GRM7: variants seen among roughly 807,000 people sequenced by gnomAD.
GRM7 encodes glutamate metabotropic receptor 7.
A neutral mutation model predicts 84.5 loss-of-function variants in GRM7; 35 were observed. The ratio of observed to expected loss-of-function variants is 0.41; its 90% CI spans 0.32 to 0.55. GRM7 has a LOEUF of 0.55. Ranked by LOEUF, GRM7 falls within the 20% of genes least tolerant of loss-of-function variation. The pLI is 0.19. For synonymous variants in GRM7, 487 were observed against 455.1 expected, an observed-to-expected ratio of 1.07 and a Z score of -0.89; for missense variants, 1,003 against 1,194.6, an observed-to-expected ratio of 0.84 and a Z score of 2.36.
At chr3:7,402,695 T>C (rs186692082) in intron 4 of GRM7, among the ~76,000 whole-genome samples, 53 of 152,280 alleles carry the variant, frequency 3.5e-4, no homozygotes, top group Admixed American at 6.5e-4. Flanking sequence ...TTTAAGCTTC[T>C]CTAGGTGTCC....
At chr3:7,275,333 T>G (rs1699012903) in intron 2 of GRM7, among the ~76,000 whole-genome samples, 1 of 152,182 alleles carries the variant, frequency 6.6e-6, no homozygotes, top group African/African-American at 2.4e-5. Flanking sequence ...CTTTTCAGTT[T>G]GTCTTATAAT....
At chr3:7,727,248 T>G (rs2106523825) in intron 9 of GRM7, among the ~76,000 whole-genome samples, 1 of 152,308 alleles carries the variant, frequency 6.6e-6, no homozygotes, top group African/African-American at 2.4e-5. Context: ...GCATTTGGGT[T>G]ATTTAAAATT....
rs758637135 is a variant in GRM7, at chr3:7,165,089, C to T, written c.736+18421C>T. Among the ~76,000 whole-genome samples the T allele has an allele frequency of 4.6e-5, 7 of 152,300 alleles. No homozygotes were observed. In the South Asian group the frequency reaches 6.2e-4, roughly 14 times the overall value. ...TCCAGAAAGCCACACGTAACTGATA[C>T]CCATTTTAGACTTTTATTATTCCTC... On this transcript the variant is annotated intron_variant, in intron 2 of 9. Coordinates refer to ENST00000357716, the MANE Select transcript of GRM7 (RefSeq NM_000844.4).
intron 5 of GRM7, among the ~76,000 whole-genome samples, chr3:7,446,133 G>C (rs116336108): frequency 6.6e-6 from 1 of 152,166 alleles, no homozygotes; most frequent in South Asian, 2.1e-4. Context: ...AAATATTTAA[G>C]TTTGAGGCTT....
At chr3:7,584,460 C>A (rs1364352534) in intron 8 of GRM7, among the ~76,000 whole-genome samples, 1 of 152,152 alleles carries the variant, frequency 6.6e-6, no homozygotes, top group Non-Finnish European at 1.5e-5. Flanking sequence ...GGGCTGGACT[C>A]TATAGCAGAG....
chr3:7,240,245 C>G (rs1697507788), intron 2 of GRM7, among the ~76,000 whole-genome samples: 1 of 143,392 alleles, frequency 7.0e-6, no homozygotes, highest in Non-Finnish European at 1.5e-5. Flanking sequence ...GGTGAAGTCT[C>G]TTGAAAAATA....
At chr3:7,272,927 A>G (rs1232609378) in intron 2 of GRM7, among the ~76,000 whole-genome samples, 2 of 151,830 alleles carry the variant, frequency 1.3e-5, no homozygotes, top group Non-Finnish European at 1.5e-5. Context: ...GTTTCCTAGG[A>G]TAAAATTTTA....
At chr3:7,169,498 A>G (rs1354918114) in intron 2 of GRM7, among the ~76,000 whole-genome samples, 1 of 152,208 alleles carries the variant, frequency 6.6e-6, no homozygotes, top group Non-Finnish European at 1.5e-5. Flanking sequence ...GGGATGTGGG[A>G]TAGTGGGAAA....
At chr3:6,874,189 G>T (rs1695223467) in intron 1 of GRM7, among the ~76,000 whole-genome samples, 1 of 152,168 alleles carries the variant, frequency 6.6e-6, no homozygotes, top group South Asian at 2.1e-4. Context: ...TAGGCACATT[G>T]TTTGGCATAT....
rs554318370 is a variant in GRM7 at position 7,153,829 on chromosome 3, C to A, written c.736+7161C>A. ...GAAACAACAATAGGACAAAAAAAAA[C>A]CCCTCTGTTTTCAAAGAGTAGAATT... On this transcript the variant is annotated intron_variant, in intron 2 of 9. Transcript: ENST00000357716. Among the ~76,000 whole-genome samples, 70 of 151,618 alleles carry A rather than the reference C, an allele frequency of 4.6e-4. 3 individuals carry two copies. Among genetic ancestry groups the A allele is most frequent in the Admixed American group, 1.4e-3 (21 of 15,214 alleles).
chr3:6,866,780 C>A (rs342027), intron 1 of GRM7, among the ~76,000 whole-genome samples: 3 of 152,098 alleles, frequency 2.0e-5, no homozygotes, highest in Non-Finnish European at 1.5e-5. Context: ...TCCTGCCTAT[C>A]TTCCTGGCCC....
intron 1 of GRM7, among the ~76,000 whole-genome samples, chr3:6,866,186 G>A (rs1694931772): frequency 6.6e-6 from 1 of 152,078 alleles, no homozygotes; most frequent in African/African-American, 2.4e-5. Context: ...CAAATTACAA[G>A]TGCTATATTT....
intron 1 of GRM7, among the ~76,000 whole-genome samples, chr3:6,970,304 G>A (rs1405801988): frequency 6.6e-6 from 1 of 152,106 alleles, no homozygotes; most frequent in Non-Finnish European, 1.5e-5. Flanking sequence ...CAGCTTGCTC[G>A]GCCTCCCAAC....
chr3:6,964,567 C>T (rs1439685089), intron 1 of GRM7, among the ~76,000 whole-genome samples: 2 of 152,120 alleles, frequency 1.3e-5, no homozygotes, highest in African/African-American at 4.8e-5. Context: ...ATAATATAAA[C>T]GTGGTTTAAG....
At chr3:7,644,746 A>C (rs1277782875) in intron 8 of GRM7, among the ~76,000 whole-genome samples, 1 of 152,202 alleles carries the variant, frequency 6.6e-6, no homozygotes, top group Non-Finnish European at 1.5e-5. Flanking sequence ...ATAGATTTTT[A>C]AGGCCAACTT....
chr3:7,488,550 G>GTA (rs560998803), intron 7 of GRM7, among the ~76,000 whole-genome samples: 174 of 152,220 alleles, frequency 1.1e-3, no homozygotes, highest in African/African-American at 3.9e-3. Context: ...GCTGGCCCTC[G>GTA]TATTTGCTCT....
intron 4 of GRM7, among the ~76,000 whole-genome samples, chr3:7,389,947 G>A (rs1694926800): frequency 6.6e-6 from 1 of 152,048 alleles, no homozygotes; most frequent in Admixed American, 6.6e-5. Flanking sequence ...TTGATTGCTT[G>A]TGCAGTTGGC....
At chr3:7,343,033 A>G (rs1692714908) in intron 4 of GRM7, among the ~76,000 whole-genome samples, 1 of 152,160 alleles carries the variant, frequency 6.6e-6, no homozygotes, top group African/African-American at 2.4e-5. Context: ...GTTTACTAAT[A>G]TTACTTATTT....
intron 1 of GRM7, among the ~76,000 whole-genome samples, chr3:7,012,360 C>T (rs1054403033): frequency 2.6e-5 from 4 of 152,168 alleles, no homozygotes; most frequent in Non-Finnish European, 5.9e-5. Context: ...AAAATCTTCG[C>T]ATTTTAAAAA....
Sources: allele counts gnomAD v4.1 joint callset (sites outside exome capture counted in the v4.1 genomes callset), GRCh38; gene constraint gnomAD v4.1.1; transcripts MANE v1.5; gene names NCBI Gene and HGNC (gene_info 2026-07-23, HGNC 2026-07-21).